RAPH1: variants seen among roughly 807,000 people sequenced by gnomAD.
The protein encoded by RAPH1 is Ras association (RalGDS/AF-6) and pleckstrin homology domains 1.
Under a neutral mutation model 88.1 loss-of-function variants are expected in RAPH1, and 18 were observed. That is an observed-to-expected ratio of 0.20 (90% CI 0.14 to 0.30). RAPH1 has a LOEUF of 0.30. RAPH1 is among the 10% of genes least tolerant of loss of function. The pLI is 1.00. For synonymous variants in RAPH1, 587 were observed against 559.0 expected (o/e 1.05, Z -0.71); for missense variants, 1,448 against 1,543.2 (o/e 0.94, Z 1.03).
chr2:203,510,211 C>T (rs2105920355), intron 1 of RAPH1, among the ~76,000 whole-genome samples: 1 of 152,004 alleles, frequency 6.6e-6, no homozygotes, highest in Non-Finnish European at 1.5e-5. Flanking sequence ...CGGCGCCTGC[C>T]TGTAATCCCA....
chr2:203,487,202 A>G (rs184742302), intron 4 of RAPH1, among the ~76,000 whole-genome samples: 1 of 152,318 alleles, frequency 6.6e-6, no homozygotes, highest in African/African-American at 2.4e-5. Context: ...CCAACTCAAA[A>G]TACTGTAAAC....
At chr2:203,452,475 A>G (rs2098515745) in intron 10 of RAPH1, among the ~76,000 whole-genome samples, 1 of 152,176 alleles carries the variant, frequency 6.6e-6, no homozygotes, top group Admixed American at 6.5e-5. Flanking sequence ...TTCACATATA[A>G]TTTAGTTGCT....
At position 203,441,423 on chromosome 2, in the gene RAPH1, G is replaced by T; in HGVS notation, c.1777-10C>A. On this transcript the variant is annotated splice_polypyrimidine_tract_variant and intron_variant, in intron 13 of 13. Coordinates refer to ENST00000319170, the MANE Select transcript of RAPH1 (RefSeq NM_213589.3). ...TAGACTCCATTCTGGCCTAAAAGGAGTATAAAAAGGGAGTGGGAGAGAGAA... is the reference window on the plus strand; with the variant it reads ...TAGACTCCATTCTGGCCTAAAAGGATTATAAAAAGGGAGTGGGAGAGAGAA... 1 of 1,522,066 alleles carries T rather than the reference G, an allele frequency of 6.6e-7. No homozygotes were observed. The highest frequency in any genetic ancestry group is 8.8e-7 in the Non-Finnish European group (1 of 1,139,094). 94.3% of individuals were successfully genotyped at this position (1,522,066 alleles called of 1,614,324 possible).
chr2:203,441,834 T>C (rs1442009928), intron 13 of RAPH1: 5 of 1,330,150 alleles, frequency 3.8e-6, no homozygotes, highest in Non-Finnish European at 4.8e-6. Flanking sequence ...TTTCAGTCCA[T>C]GACTGCATCC....
Position 203,517,035 on chromosome 2 carries a change from C to CAA in RAPH1, c.-1+18074_-1+18075dup, listed in dbSNP as rs1231482927. Reference sequence around the variant, plus strand: ...GGTGACAGAGTGAAAGACTCCGTCTCAAAAAAAAAAAATAAAGAAAGAAAG... The same window carrying CAA: ...GGTGACAGAGTGAAAGACTCCGTCTCAAAAAAAAAAAAAATAAAGAAAGAAAG... On this transcript the variant is annotated intron_variant, in intron 1 of 13. Transcript: ENST00000319170. Among the ~76,000 whole-genome samples, 77 of 130,206 alleles carry CAA rather than the reference C, an allele frequency of 5.9e-4. 1 individual carries two copies. The highest frequency in any genetic ancestry group is 4.1e-3 in the Middle Eastern group (1 of 244). 85.4% of individuals were successfully genotyped at this position (130,206 alleles called of 152,430 possible).
At chr2:203,528,024 T>C (rs1446298780) in intron 1 of RAPH1, among the ~76,000 whole-genome samples, 1 of 152,136 alleles carries the variant, frequency 6.6e-6, no homozygotes, top group Admixed American at 6.5e-5. Flanking sequence ...ACCAAACAGG[T>C]TTGTCTCATG....
chr2:203,474,146 A>C (rs1353903911), intron 4 of RAPH1, among the ~76,000 whole-genome samples: 1 of 152,144 alleles, frequency 6.6e-6, no homozygotes, highest in Non-Finnish European at 1.5e-5. Context: ...TCGCAGTGTG[A>C]GGGAGTGTGG....
At chr2:203,504,536 T>TCTGGGCCC (rs964930756) in intron 1 of RAPH1, among the ~76,000 whole-genome samples, 5 of 152,176 alleles carry the variant, frequency 3.3e-5, no homozygotes, top group African/African-American at 1.2e-4. Context: ...CTCCTGGGCC[T>TCTGGGCCC]CTGGGCCCTG....
chr2:203,439,860 T>C lies in RAPH1; in HGVS notation c.3330A>G (p.Gln1110=), dbSNP rs749595156. 18 of 1,613,574 alleles carry C rather than the reference T, an allele frequency of 1.1e-5. No homozygotes were observed. In the African/African-American group the frequency reaches 1.5e-4, roughly 13 times the overall value. The change falls in exon 14 of 14, where the codon CAA becomes CAG. Residue 1110 remains glutamine (Q), a synonymous_variant. Coordinates refer to ENST00000319170, the MANE Select transcript of RAPH1 (RefSeq NM_213589.3). ...CCTTCTTCACTGACATTTTAGACCATTGTTGTGGTTGAGGATTAACGACTG... is the reference window on the plus strand; with the variant it reads ...CCTTCTTCACTGACATTTTAGACCACTGTTGTGGTTGAGGATTAACGACTG... The part of the protein sequence containing the change: ...KVAVVNPQPQ[Q]WSKMSVKKAP...
At chr2:203,506,783 GATATATATATCT>G (rs1689046076) in intron 1 of RAPH1, among the ~76,000 whole-genome samples, 2 of 38,352 alleles carry the variant, frequency 5.2e-5, no homozygotes, top group Admixed American at 3.2e-4. Context: ...TATATATCTA[GATATATATATCT>G]ATATATATAT....
chr2:203,485,774 G>C (rs1452315855), intron 4 of RAPH1, among the ~76,000 whole-genome samples: 2 of 152,086 alleles, frequency 1.3e-5, no homozygotes, highest in South Asian at 2.1e-4. Context: ...TGTCACAACT[G>C]AAGAAGGTAA....
chr2:203,438,884 T>C lies in RAPH1; in HGVS notation c.*553A>G, dbSNP rs559279121. ...TTCATGTATAGCAATGAAGTGTCAG[T>C]CAAGCAATTCTAACTTCAGCCAACT... On this transcript the variant is annotated 3_prime_UTR_variant, in exon 14 of 14. Coordinates refer to ENST00000319170, the MANE Select transcript of RAPH1 (RefSeq NM_213589.3). The C allele has an allele frequency of 6.5e-6, 1 of 154,740 alleles. No individual in the cohort carries two copies. Among genetic ancestry groups the C allele is most frequent in the East Asian group, 1.9e-4 (1 of 5,234 alleles). 9.6% of individuals were successfully genotyped at this position (154,740 alleles called of 1,614,324 possible).
chr2:203,514,033 G>T (rs952942794), intron 1 of RAPH1, among the ~76,000 whole-genome samples: 1 of 151,946 alleles, frequency 6.6e-6, no homozygotes, highest in Non-Finnish European at 1.5e-5. Flanking sequence ...AATAGAGACA[G>T]GGTTTCATCA....
At chr2:203,504,064 G>C (rs925670005) in intron 1 of RAPH1, among the ~76,000 whole-genome samples, 5 of 152,184 alleles carry the variant, frequency 3.3e-5, no homozygotes, top group African/African-American at 1.2e-4. Flanking sequence ...TTGAGTGTCT[G>C]AGGCTTTTCC....
chr2:203,486,728 C>T (rs1009393908), intron 4 of RAPH1, among the ~76,000 whole-genome samples: 1 of 152,162 alleles, frequency 6.6e-6, no homozygotes, highest in Admixed American at 6.5e-5. Context: ...CAATTTGATA[C>T]ATGAGTTCAG....
At position 203,433,832 on chromosome 2, in the gene RAPH1, A is replaced by G. The variant is rs1334697223; in HGVS notation, c.*5605T>C. The G allele has an allele frequency of 6.6e-6, 1 of 150,774 alleles. No homozygotes were observed. The highest frequency in any genetic ancestry group is 2.4e-5 in the African/African-American group (1 of 41,196). The allele number at this position is 150,774 out of a possible 1,614,324, so 9.3% of individuals were successfully genotyped here. The stretch of plus-strand genomic sequence containing the variant: ...TCCCCATGTTTAAATGAAATCTATG[A>G]ATTTTTTTTATTAAGGATTTGATAA... On this transcript the variant is annotated 3_prime_UTR_variant, in exon 14 of 14. Coordinates refer to ENST00000319170, the MANE Select transcript of RAPH1 (RefSeq NM_213589.3).
intron 1 of RAPH1, among the ~76,000 whole-genome samples, chr2:203,526,975 G>A (rs1042130312): frequency 6.6e-6 from 1 of 151,902 alleles, no homozygotes; most frequent in African/African-American, 2.4e-5. Context: ...GTAGAGACAG[G>A]GTTTTGCCAC....
At chr2:203,460,451 T>C (rs2098523393) in intron 6 of RAPH1, among the ~76,000 whole-genome samples, 1 of 152,218 alleles carries the variant, frequency 6.6e-6, no homozygotes, top group Non-Finnish European at 1.5e-5. Context: ...TAAACATATA[T>C]GTATTTTCTA....
In RAPH1 at chr2:203,448,734, A is replaced by T. The variant is rs368234801; in HGVS notation, c.1512+4T>A. On this transcript the variant is annotated splice_donor_region_variant and intron_variant, in intron 11 of 13. Coordinates refer to ENST00000319170, the MANE Select transcript of RAPH1 (RefSeq NM_213589.3). This position sits in a 1 kb window ranked among gnomAD's most constrained non-coding sequence, Gnocchi z 4.1. Reference sequence around the variant, plus strand: ...TTCCATCATCAAATCAAAAGGAGACATGCCTTTGCAATGCGGATCCCATTG... The same window carrying T: ...TTCCATCATCAAATCAAAAGGAGACTTGCCTTTGCAATGCGGATCCCATTG... The T allele has an allele frequency of 3.8e-6, 6 of 1,577,174 alleles. No individual in the cohort carries two copies. The highest frequency in any genetic ancestry group is 5.2e-6 in the Non-Finnish European group (6 of 1,155,896).
Sources: gnomAD v4.1 joint callset for allele counts (sites outside exome capture counted in the v4.1 genomes callset) on GRCh38, gnomAD v4.1.1 for gene constraint, Gnocchi (gnomAD v3.1) non-coding constraint, MANE v1.5 for transcripts, NCBI Gene and HGNC (gene_info 2026-07-23, HGNC 2026-07-21) for gene names.